MYT1: variants seen among roughly 807,000 people sequenced by gnomAD.
MYT1 encodes myelin transcription factor I.
MYT1 carries 23 observed loss-of-function variants against 123.0 expected under a neutral mutation model. That is an observed-to-expected ratio of 0.19 (90% confidence interval 0.13 to 0.26). The LOEUF is 0.26. Ranked by LOEUF, MYT1 falls within the 10% of genes least tolerant of loss-of-function variation. The pLI is 1.00. For synonymous variants in MYT1, 518 were observed against 575.3 expected (o/e 0.90, Z 1.43); for missense variants, 1,125 against 1,472.5 (o/e 0.76, Z 3.86).
chr20:64,188,639 C>T (rs1982880132), intron 1 of MYT1, among the ~76,000 whole-genome samples: 1 of 152,222 alleles, frequency 6.6e-6, no homozygotes, highest in Admixed American at 6.5e-5. Context: ...CCTCCCTATA[C>T]CCCACATCCC....
chr20:64,188,817 C>G (rs561117763), intron 1 of MYT1, among the ~76,000 whole-genome samples: 1 of 152,190 alleles, frequency 6.6e-6, no homozygotes, highest in Non-Finnish European at 1.5e-5. Context: ...GTCCAGGCAC[C>G]GGAGCCTGCG....
In MYT1 at chr20:64,166,166, A is replaced by C. The variant is rs1181189594; in HGVS notation, c.-99+1427A>C. 1.3e-5 allele frequency among the ~76,000 whole-genome samples: 2 copies of C among 152,154 alleles called. No homozygotes were observed. The highest frequency in any genetic ancestry group is 4.8e-5 in the African/African-American group (2 of 41,426). On this transcript the variant is annotated intron_variant, in intron 1 of 22. Coordinates refer to ENST00000328439, the MANE Select transcript of MYT1 (RefSeq NM_004535.3). This position sits in a 1 kb window ranked among gnomAD's most constrained non-coding sequence, Gnocchi z 4.9. ...CCTGTTAATTAACGGTAAACAAAAG[A>C]GTAAGAGAGCAGGGATTGGAGTCCT...
rs771297030 is a variant in MYT1 at position 64,232,338 on chromosome 20, C to T, written c.2850C>T (p.Gly950=). The change falls in exon 19 of 23, where the codon GGC becomes GGT. Residue 950 remains glycine (G), a synonymous_variant. Transcript: ENST00000328439. This position sits in a 1 kb window ranked among gnomAD's most constrained non-coding sequence, Gnocchi z 6.9. ...AAGGACCGACCTGCCCCACCCCGGGCTGTGACGGCTCTGGCCACGCCAATG... is the reference window on the plus strand; with the variant it reads ...AAGGACCGACCTGCCCCACCCCGGGTTGTGACGGCTCTGGCCACGCCAATG... ...KNEGPTCPTP[G]CDGSGHANGS... is the part of the protein sequence containing the mutation. The T allele has an allele frequency of 1.2e-6, 2 of 1,612,932 alleles. No individual in the cohort carries two copies. Among genetic ancestry groups the T allele is most frequent in the Non-Finnish European group, 1.7e-6 (2 of 1,180,004 alleles).
chr20:64,180,058 A>C (rs557022890), intron 1 of MYT1, among the ~76,000 whole-genome samples: 1,359 of 82,856 alleles, frequency 0.016, 15 homozygotes, highest in African/African-American at 0.049. Flanking sequence ...ACACACAGTT[A>C]CACACCACAC....
chr20:64,205,308 G>A (rs1185815356), intron 5 of MYT1, among the ~76,000 whole-genome samples: 7 of 140,456 alleles, frequency 5.0e-5, no homozygotes, highest in Admixed American at 3.5e-4. Context: ...CTGACCTCCC[G>A]CGAGGCAGCG....
intron 1 of MYT1, among the ~76,000 whole-genome samples, chr20:64,180,661 T>TC (rs1351204562): frequency 1.3e-5 from 2 of 152,238 alleles, no homozygotes; most frequent in Non-Finnish European, 2.9e-5. Context: ...GCCAGGACAA[T>TC]CCAAGTATAA....
Position 64,196,034 on chromosome 20 carries a change from G to A in MYT1, c.1-2828G>A, listed in dbSNP as rs116572196. Among the ~76,000 whole-genome samples the A allele has an allele frequency of 6.6e-6, 1 of 152,202 alleles. No homozygotes were observed. The highest frequency in any genetic ancestry group is 2.4e-5 in the African/African-American group (1 of 41,450). ...AACAGAGCAGACGTTCTTGAGAAAG[G>A]TTGCCGGCCCAGCAGTAAGAGTGGG... On this transcript the variant is annotated intron_variant, in intron 2 of 22. Coordinates refer to ENST00000328439, the MANE Select transcript of MYT1 (RefSeq NM_004535.3). The surrounding 1 kb of genome is among the most constrained non-coding windows in gnomAD (Gnocchi z 4.3).
At chr20:64,222,529 G>A (rs1006166066) in intron 14 of MYT1, among the ~76,000 whole-genome samples, 17 of 152,254 alleles carry the variant, frequency 1.1e-4, no homozygotes, top group Admixed American at 7.2e-4. Flanking sequence ...TGGTCCGCAT[G>A]GGGTTGGAAC....
rs781752529 is a variant in MYT1, at chr20:64,189,328, G to A, written c.-98-735G>A. 6.6e-6 allele frequency among the ~76,000 whole-genome samples: 1 copy of A among 152,224 alleles called. No homozygotes were observed. Among genetic ancestry groups the A allele is most frequent in the Non-Finnish European group, 1.5e-5 (1 of 68,046 alleles). ...GTAGAAAGCAGGTTGTCATGGAAAC[G>A]GGGAGTGACGTGCAGGGAATAGGTA... On this transcript the variant is annotated intron_variant, in intron 1 of 22. Transcript: ENST00000328439. This position sits in a 1 kb window ranked among gnomAD's most constrained non-coding sequence, Gnocchi z 5.5.
At chr20:64,220,159 G>A (rs578159251) in intron 13 of MYT1, among the ~76,000 whole-genome samples, 177 bp downstream of exon 13, 1 of 152,362 alleles carries the variant, frequency 6.6e-6, no homozygotes, top group Admixed American at 6.5e-5. Flanking sequence ...GGACTCAGGG[G>A]CTCACCCTCT....
At chr20:64,172,427 G>C (rs413116) in intron 1 of MYT1, among the ~76,000 whole-genome samples, 128,880 of 152,268 alleles carry the variant, frequency 0.85, 54,709 homozygotes, top group East Asian at 0.97. Flanking sequence ...TTCTGAACTG[G>C]GGATGAGCCA....
In MYT1 at chr20:64,232,331, C is replaced by T; in HGVS notation, c.2843C>T (p.Thr948Ile). ...AAGAATGAAGGACCGACCTGCCCCA[C>T]CCCGGGCTGTGACGGCTCTGGCCAC... ...SLKNEGPTCP[T>I]PGCDGSGHAN... is the part of the protein sequence containing the mutation. Residue 948 changes from threonine to isoleucine, a missense_variant, in exon 19 of 23, where the codon ACC (threonine) becomes ATC (isoleucine). Transcript: ENST00000328439. The surrounding 1 kb of genome is among the most constrained non-coding windows in gnomAD (Gnocchi z 6.9). 6.2e-7 allele frequency: 1 copy of T among 1,613,038 alleles called. No individual in the cohort carries two copies. Among genetic ancestry groups the T allele is most frequent in the Non-Finnish European group, 8.5e-7 (1 of 1,179,996 alleles).
chr20:64,205,502 C>T (rs1253125181), intron 5 of MYT1, 51 bp from the exon 6 acceptor site: 1 of 1,596,184 alleles, frequency 6.3e-7, no homozygotes, highest in Non-Finnish European at 8.5e-7. Flanking sequence ...GTGTCTGAGG[C>T]CTCTCGTGGC....
At chr20:64,188,662 G>A (rs1043991453) in intron 1 of MYT1, among the ~76,000 whole-genome samples, 1 of 152,226 alleles carries the variant, frequency 6.6e-6, no homozygotes, top group African/African-American at 2.4e-5. Flanking sequence ...TCACAGAGTT[G>A]AGAATTGGAT....
chr20:64,201,843 G>A (rs1983313314), intron 4 of MYT1, among the ~76,000 whole-genome samples: 1 of 152,160 alleles, frequency 6.6e-6, no homozygotes, highest in Non-Finnish European at 1.5e-5. Flanking sequence ...CGTCCTGTGT[G>A]CAGACCATGG....
chr20:64,168,642 G>T lies in MYT1; in HGVS notation c.-99+3903G>T, dbSNP rs937410501. Reference sequence around the variant, plus strand: ...CACTCAGCAGCCCCAACCTTCAAGAGAGTGACTTTGTGCTCTGGCAACTGA... The same window carrying T: ...CACTCAGCAGCCCCAACCTTCAAGATAGTGACTTTGTGCTCTGGCAACTGA... On this transcript the variant is annotated intron_variant, in intron 1 of 22. Transcript: ENST00000328439. This position sits in a 1 kb window ranked among gnomAD's most constrained non-coding sequence, Gnocchi z 6.1. 6.6e-6 allele frequency among the ~76,000 whole-genome samples: 1 copy of T among 152,208 alleles called. No individual in the cohort carries two copies. The highest frequency in any genetic ancestry group is 1.5e-5 in the Non-Finnish European group (1 of 68,038).
rs957326738 is a variant in MYT1, at chr20:64,203,230, C to G, written c.87-1805C>G. Reference sequence around the variant, plus strand: ...CTGAGGGTGACGTGTTCAGGGCAGTCCGGTCCCCACAGGCCTCCACAGCAG... The same window carrying G: ...CTGAGGGTGACGTGTTCAGGGCAGTGCGGTCCCCACAGGCCTCCACAGCAG... On this transcript the variant is annotated intron_variant, in intron 4 of 22. Transcript: ENST00000328439. The surrounding 1 kb of genome is among the most constrained non-coding windows in gnomAD (Gnocchi z 5.1). Among the ~76,000 whole-genome samples, 2 of 152,216 alleles carry G rather than the reference C, an allele frequency of 1.3e-5. No homozygotes were observed. Among genetic ancestry groups the G allele is most frequent in the African/African-American group, 2.4e-5 (1 of 41,444 alleles).
At chr20:64,171,559 C>G (rs966927457) in intron 1 of MYT1, among the ~76,000 whole-genome samples, 4 of 152,188 alleles carry the variant, frequency 2.6e-5, no homozygotes, top group African/African-American at 9.7e-5. Context: ...AGGGTCTGAG[C>G]CTTTGTCCTT....
chr20:64,164,886 C>G (rs1982037510), intron 1 of MYT1, 147 bp downstream of exon 1: 1 of 152,092 alleles, frequency 6.6e-6, no homozygotes, highest in Admixed American at 6.5e-5. Flanking sequence ...CTGAGGATGG[C>G]TTTTTGAAAC....
Sources: allele counts gnomAD v4.1 joint callset (sites outside exome capture counted in the v4.1 genomes callset), GRCh38; gene constraint gnomAD v4.1.1; non-coding constraint Gnocchi (gnomAD v3.1); transcripts MANE v1.5; gene names NCBI Gene and HGNC (gene_info 2026-07-23, HGNC 2026-07-21).